KCNN2: variants seen among roughly 807,000 people sequenced by gnomAD.
KCNN2 encodes small conductance calcium-activated potassium channel protein 2.
A neutral mutation model predicts 55.5 loss-of-function variants in KCNN2; 24 were observed. That is an observed-to-expected ratio of 0.43 (90% confidence interval 0.31 to 0.61). The LOEUF (loss-of-function observed/expected upper bound fraction) is 0.61, where lower values mean the gene tolerates loss of function less well. KCNN2 is among the 20% of genes least tolerant of loss of function. The pLI is 0.08. For missense variants in KCNN2, 754 were observed against 853.6 expected (o/e 0.88, Z 1.45); for synonymous variants, 431 against 336.1 (o/e 1.28, Z -3.09).
chr5:114,420,421 C>A (rs1246060525), intron 3 of KCNN2, among the ~76,000 whole-genome samples: 1 of 152,156 alleles, frequency 6.6e-6, no homozygotes, highest in Non-Finnish European at 1.5e-5. Context: ...GTCTTTGTCC[C>A]CTGGTCTCTG....
At chr5:114,368,074 G>A (rs907066051) in intron 2 of KCNN2, among the ~76,000 whole-genome samples, 1 of 151,976 alleles carries the variant, frequency 6.6e-6, no homozygotes, top group Non-Finnish European at 1.5e-5. Context: ...AGTAAATATA[G>A]TGGGCCCTCC....
intron 4 of KCNN2, among the ~76,000 whole-genome samples, chr5:114,465,127 T>C (rs890691636): frequency 6.6e-6 from 1 of 152,234 alleles, no homozygotes; most frequent in Non-Finnish European, 1.5e-5. Context: ...TTATTTGCCA[T>C]GGAATCTGAG....
At chr5:114,392,594 T>C (rs1758479169) in intron 2 of KCNN2, among the ~76,000 whole-genome samples, 2 of 152,096 alleles carry the variant, frequency 1.3e-5, no homozygotes, top group Non-Finnish European at 2.9e-5. Context: ...GAACATAGCT[T>C]TTCAATTTTT....
chr5:114,158,376 A>G (rs1752687525), intron 1 of KCNN2, among the ~76,000 whole-genome samples: 1 of 152,134 alleles, frequency 6.6e-6, no homozygotes, highest in Admixed American at 6.5e-5. Flanking sequence ...CTGTTTTGGT[A>G]CCAGTACCAT....
chr5:114,252,074 C>T (rs1264174154), intron 2 of KCNN2, among the ~76,000 whole-genome samples: 2 of 151,714 alleles, frequency 1.3e-5, no homozygotes, highest in Non-Finnish European at 2.9e-5. Flanking sequence ...GACGTGGTTT[C>T]ACCATGTTGG....
intron 3 of KCNN2, among the ~76,000 whole-genome samples, chr5:114,431,523 A>G (rs1039940817): frequency 2.6e-5 from 4 of 151,968 alleles, no homozygotes; most frequent in Admixed American, 1.3e-4. Flanking sequence ...AATCTTTTCA[A>G]AGAACTAGCT....
intron 2 of KCNN2, among the ~76,000 whole-genome samples, chr5:114,298,016 GTACT>G (rs1276043655): frequency 2.0e-5 from 3 of 152,112 alleles, no homozygotes; most frequent in Admixed American, 6.5e-5. Context: ...TAAAATGACA[GTACT>G]TACTTTGTAT....
At chr5:114,291,502 C>T (rs1322525225) in intron 2 of KCNN2, among the ~76,000 whole-genome samples, 1 of 152,154 alleles carries the variant, frequency 6.6e-6, no homozygotes, top group Non-Finnish European at 1.5e-5. Flanking sequence ...ATCCATGTCC[C>T]TACAAAGGAC....
intron 2 of KCNN2, among the ~76,000 whole-genome samples, chr5:114,403,388 A>T (rs903320771): frequency 4.6e-5 from 7 of 152,346 alleles, no homozygotes; most frequent in African/African-American, 1.7e-4. Context: ...GACTTGTAAT[A>T]GTCCCTGATA....
intron 2 of KCNN2, among the ~76,000 whole-genome samples, chr5:114,389,618 A>C (rs1045964553): frequency 7.9e-5 from 12 of 152,290 alleles, no homozygotes; most frequent in African/African-American, 2.9e-4. Context: ...TTCAAGTTTC[A>C]TCCCAAATAC....
chr5:114,237,834 G>C (rs1308692793), intron 2 of KCNN2, among the ~76,000 whole-genome samples: 2 of 152,200 alleles, frequency 1.3e-5, no homozygotes, highest in Non-Finnish European at 2.9e-5. Context: ...TACGGGTTGG[G>C]AGAGGCTTTA....
chr5:114,317,129 A>G (rs921449671), intron 2 of KCNN2, among the ~76,000 whole-genome samples: 1 of 151,944 alleles, frequency 6.6e-6, no homozygotes, highest in Admixed American at 6.6e-5. Context: ...TGCTATTACT[A>G]TAACTTTCTG....
At chr5:114,358,243 T>C (rs1757334830), upstream of KCNN2, among the ~76,000 whole-genome samples, 1 of 151,766 alleles carries the variant, frequency 6.6e-6, no homozygotes, top group Admixed American at 6.5e-5. Flanking sequence ...GAATCTACAA[T>C]GAACTCAAAC....
intron 1 of KCNN2, among the ~76,000 whole-genome samples, chr5:114,089,168 T>C (rs1037472212): frequency 6.6e-6 from 1 of 152,210 alleles, no homozygotes; most frequent in Non-Finnish European, 1.5e-5. Context: ...ATAAATGGTG[T>C]GCTACCAAGT....
chr5:114,149,357 T>C (rs1752469045), intron 1 of KCNN2, among the ~76,000 whole-genome samples: 1 of 152,102 alleles, frequency 6.6e-6, no homozygotes, highest in South Asian at 2.1e-4. Flanking sequence ...TGCCAGATAT[T>C]GCAGGATCTG....
At chr5:114,202,452 C>A (rs2112573348) in intron 1 of KCNN2, among the ~76,000 whole-genome samples, 1 of 150,888 alleles carries the variant, frequency 6.6e-6, no homozygotes, top group Non-Finnish European at 1.5e-5. Flanking sequence ...CCCCAAAACA[C>A]TGAAGAATCC....
intron 3 of KCNN2, among the ~76,000 whole-genome samples, chr5:114,455,554 G>A (rs1335368816): frequency 6.6e-6 from 1 of 152,182 alleles, no homozygotes; most frequent in Non-Finnish European, 1.5e-5. Context: ...AAGTGTTCAC[G>A]TGACAAGAAG....
At chr5:114,239,324 A>G (rs569185087) in intron 2 of KCNN2, among the ~76,000 whole-genome samples, 53 of 152,196 alleles carry the variant, frequency 3.5e-4, no homozygotes, top group African/African-American at 1.3e-3. Context: ...TTTGAGAAGG[A>G]AAAGAGGAAA....
chr5:114,449,198 G>A (rs2150101782), intron 3 of KCNN2, among the ~76,000 whole-genome samples: 1 of 152,142 alleles, frequency 6.6e-6, no homozygotes, highest in East Asian at 1.9e-4. Context: ...CCTTTCCAAG[G>A]GACCTCTGAC....
Sources: gnomAD v4.1 joint callset for allele counts (sites outside exome capture counted in the v4.1 genomes callset) on GRCh38, gnomAD v4.1.1 for gene constraint, MANE v1.5 for transcripts, NCBI Gene and HGNC (gene_info 2026-07-23, HGNC 2026-07-21) for gene names.